The following CDH12 variants were observed in gnomAD, a reference collection of about 807,000 sequenced individuals.
CDH12 encodes cadherin 12.
CDH12 carries 41 observed loss-of-function variants against 74.1 expected under a neutral mutation model. The observed-to-expected ratio is 0.55, with a 90% confidence interval of 0.43 to 0.72. CDH12 has a LOEUF of 0.72. Ranked by LOEUF, CDH12 falls within the 30% of genes least tolerant of loss-of-function variation. The probability of loss-of-function intolerance (pLI) is 0.00; values close to 1 mark genes in which losing one functional copy is unlikely to be tolerated. For missense variants in CDH12, 945 were observed against 977.2 expected (o/e 0.97, Z 0.44); for synonymous variants, 399 against 355.0 (o/e 1.12, Z -1.39).
intron 5 of CDH12, among the ~76,000 whole-genome samples, chr5:22,052,960 A>T (rs1001256313): frequency 3.3e-5 from 5 of 152,094 alleles, no homozygotes; most frequent in Non-Finnish European, 5.9e-5. Context: ...TTGCACTTAA[A>T]CTACATTTTA....
chr5:22,741,392 T>C (rs1312702224), intron 1 of CDH12, among the ~76,000 whole-genome samples: 1 of 152,226 alleles, frequency 6.6e-6, no homozygotes, highest in Non-Finnish European at 1.5e-5. Flanking sequence ...CCATATTTGC[T>C]ATTTTTATTA....
At chr5:22,542,940 T>C (rs1027922570) in intron 1 of CDH12, among the ~76,000 whole-genome samples, 2 of 152,174 alleles carry the variant, frequency 1.3e-5, no homozygotes, top group African/African-American at 2.4e-5. Flanking sequence ...CCAGTACATA[T>C]TTTCTCAAGT....
intron 2 of CDH12, among the ~76,000 whole-genome samples, chr5:22,495,573 G>GAT (rs1747073259): frequency 6.6e-6 from 1 of 151,916 alleles, no homozygotes; most frequent in Middle Eastern, 3.2e-3. Flanking sequence ...CAAGTTGGAA[G>GAT]ATATATATAC....
At chr5:22,648,152 T>A (rs911640790) in intron 1 of CDH12, among the ~76,000 whole-genome samples, 5 of 151,572 alleles carry the variant, frequency 3.3e-5, no homozygotes, top group Non-Finnish European at 7.4e-5. Flanking sequence ...CTGATGCAAG[T>A]TTTTTTTGAT....
intron 1 of CDH12, among the ~76,000 whole-genome samples, chr5:22,803,779 T>C (rs1581016188): frequency 1.3e-5 from 2 of 152,342 alleles, no homozygotes; most frequent in Non-Finnish European, 1.5e-5. Context: ...AGCCTCGTTA[T>C]GTAAGTGATG....
chr5:22,618,047 C>A (rs1737777483), intron 1 of CDH12, among the ~76,000 whole-genome samples: 1 of 152,044 alleles, frequency 6.6e-6, no homozygotes, highest in Non-Finnish European at 1.5e-5. Context: ...CTCCAGTTTG[C>A]TATAAAGAAT....
intron 6 of CDH12, among the ~76,000 whole-genome samples, chr5:21,950,909 C>T (rs1035346218): frequency 6.6e-6 from 1 of 151,180 alleles, no homozygotes; most frequent in Non-Finnish European, 1.5e-5. Flanking sequence ...GCCTCAGCCT[C>T]CCGAGTAGCT....
chr5:22,292,588 C>G (rs1057184937), intron 3 of CDH12, among the ~76,000 whole-genome samples: 3 of 151,360 alleles, frequency 2.0e-5, no homozygotes, highest in African/African-American at 7.3e-5. Context: ...TGCCCCAATT[C>G]AAAATTGGAC....
intron 9 of CDH12, among the ~76,000 whole-genome samples, chr5:21,805,114 A>G (rs544888137): frequency 5.3e-5 from 8 of 152,202 alleles, no homozygotes; most frequent in Admixed American, 3.3e-4. Context: ...CCTGGCTCAT[A>G]CTTACTCCCT....
chr5:22,807,757 C>A (rs1748890418), intron 1 of CDH12, among the ~76,000 whole-genome samples: 1 of 152,016 alleles, frequency 6.6e-6, no homozygotes, highest in Admixed American at 6.6e-5. Context: ...AAAGGCACAG[C>A]AAAATAAGAT....
intron 2 of CDH12, among the ~76,000 whole-genome samples, chr5:22,466,977 C>A (rs575827997): frequency 1.4e-5 from 2 of 147,908 alleles, no homozygotes; most frequent in Non-Finnish European, 3.0e-5. Flanking sequence ...TTAGTAGACA[C>A]GGGGTTTCAC....
chr5:21,850,009 T>C (rs1389790805), intron 7 of CDH12, among the ~76,000 whole-genome samples: 1 of 151,648 alleles, frequency 6.6e-6, no homozygotes, highest in Admixed American at 6.6e-5. Context: ...ACAACATGGA[T>C]AGGCCTGGGG....
intron 5 of CDH12, among the ~76,000 whole-genome samples, chr5:22,076,965 T>C (rs1742364210): frequency 6.6e-6 from 1 of 152,014 alleles, no homozygotes; most frequent in Admixed American, 6.6e-5. Flanking sequence ...CACTATGAGG[T>C]TGGCCCCGTG....
chr5:22,704,583 T>C (rs1742887071), intron 1 of CDH12, among the ~76,000 whole-genome samples: 1 of 152,090 alleles, frequency 6.6e-6, no homozygotes, highest in Non-Finnish European at 1.5e-5. Flanking sequence ...TGGCAGCTGA[T>C]AAAAAATCTG....
At chr5:22,074,439 C>CA (rs1208083967) in intron 5 of CDH12, among the ~76,000 whole-genome samples, 1 of 152,064 alleles carries the variant, frequency 6.6e-6, no homozygotes, top group Admixed American at 6.6e-5. Context: ...AAAGCAATGG[C>CA]AACAAAAGAC....
chr5:22,120,747 T>G (rs1745461302), intron 4 of CDH12, among the ~76,000 whole-genome samples: 1 of 152,154 alleles, frequency 6.6e-6, no homozygotes, highest in Non-Finnish European at 1.5e-5. Flanking sequence ...TTGAGACTAA[T>G]GATTACAGTT....
intron 1 of CDH12, among the ~76,000 whole-genome samples, chr5:22,528,444 G>A (rs185720405): frequency 1.3e-5 from 2 of 152,206 alleles, no homozygotes; most frequent in South Asian, 2.1e-4. Flanking sequence ...TTTAACATTA[G>A]ACAGCCTGTG....
intron 3 of CDH12, among the ~76,000 whole-genome samples, chr5:22,229,066 A>AT (rs950453623): frequency 2.0e-5 from 3 of 151,966 alleles, no homozygotes; most frequent in African/African-American, 7.2e-5. Context: ...ACTTTGAAGA[A>AT]TTTCACACTG....
intron 2 of CDH12, among the ~76,000 whole-genome samples, chr5:22,435,467 T>C (rs1744343787): frequency 1.3e-5 from 2 of 148,264 alleles, no homozygotes; most frequent in African/African-American, 5.0e-5. Context: ...AATGTGTGTG[T>C]ACACACACAT....
Sources: allele counts gnomAD v4.1 joint callset (sites outside exome capture counted in the v4.1 genomes callset), GRCh38; gene constraint gnomAD v4.1.1; transcripts MANE v1.5; gene names NCBI Gene and HGNC (gene_info 2026-07-23, HGNC 2026-07-21).